The following PKD1L1 variants were observed in gnomAD, a reference collection of about 807,000 sequenced individuals.
PKD1L1 encodes polycystin 1 like 1, transient receptor potential channel interacting.
A neutral mutation model predicts 323.4 loss-of-function variants in PKD1L1; 236 were observed. The ratio of observed to expected loss-of-function variants is 0.73; its 90% confidence interval spans 0.66 to 0.81. The LOEUF (loss-of-function observed/expected upper bound fraction) is 0.81, where lower values mean the gene tolerates loss of function less well. PKD1L1 is among the 40% of genes least tolerant of loss of function. The probability of loss-of-function intolerance (pLI) is 0.00; values close to 1 mark genes in which losing one functional copy is unlikely to be tolerated. For missense variants in PKD1L1, 3,320 were observed against 3,508.0 expected, an observed-to-expected ratio of 0.95 and a Z score of 1.35; for synonymous variants, 1,344 against 1,335.0, an observed-to-expected ratio of 1.01 and a Z score of -0.15.
chr7:47,957,366 C>T, the PKD1L1 span: 114,244 of 152,186 alleles, frequency 0.75, 43,057 homozygotes, highest in East Asian at 0.88. Context: ...GCATCTAAAT[C>T]GGAAAGGAGG....
chr7:47,784,051 A>T (rs552485220), intron 56 of PKD1L1, among the ~76,000 whole-genome samples: 2 of 152,350 alleles, frequency 1.3e-5, no homozygotes, highest in East Asian at 3.9e-4. Flanking sequence ...TAGTGCCTCG[A>T]GTGCCATTCT....
At chr7:47,806,827 G>A (rs372101226) in intron 52 of PKD1L1, among the ~76,000 whole-genome samples, 3 of 152,222 alleles carry the variant, frequency 2.0e-5, no homozygotes, top group Non-Finnish European at 4.4e-5. Context: ...ATGGAAGAGC[G>A]TGGGCTCTGG....
chr7:47,885,062 C>T (rs1343517524), intron 18 of PKD1L1, among the ~76,000 whole-genome samples: 1 of 152,162 alleles, frequency 6.6e-6, no homozygotes, highest in East Asian at 1.9e-4. Context: ...CACAAGAATG[C>T]CCTGCTGCAA....
chr7:47,943,433 C>G lies in PKD1L1; in HGVS notation c.123G>C (p.Leu41=). 1 of 1,613,616 alleles carries G rather than the reference C, an allele frequency of 6.2e-7. No homozygotes were observed. Among genetic ancestry groups the G allele is most frequent in the Non-Finnish European group, 8.5e-7 (1 of 1,179,708 alleles). ...CACCTCCAGGAGGGCTACAGCTGCA[C>G]AGATGAAGACCCCAGCTCTTGTCAG... ...VSTDKSWGLH[L]CSCSPPGGGL... The change falls in exon 2 of 57, where the codon CTG becomes CTC. Residue 41 remains leucine, a synonymous_variant. Coordinates refer to ENST00000289672, the MANE Select transcript of PKD1L1 (RefSeq NM_138295.5).
intron 22 of PKD1L1, 78 bp from the exon 23 acceptor site, chr7:47,876,295 C>G: frequency 6.8e-7 from 1 of 1,478,540 alleles, no homozygotes; most frequent in Non-Finnish European, 9.3e-7. Flanking sequence ...ACACACACAG[C>G]TGAGCCTTCA....
At chr7:47,921,339 G>A (rs749528271) in intron 7 of PKD1L1, among the ~76,000 whole-genome samples, 2 of 150,766 alleles carry the variant, frequency 1.3e-5, no homozygotes, top group Non-Finnish European at 2.9e-5. Flanking sequence ...ACTGCAATGC[G>A]ATACCACTTT....
chr7:47,953,425 C>T (rs1396498995), upstream of PKD1L1, among the ~76,000 whole-genome samples: 1 of 152,142 alleles, frequency 6.6e-6, no homozygotes, highest in Non-Finnish European at 1.5e-5. Context: ...GAATAGAATC[C>T]TCTTAGGAAA....
chr7:47,793,099 G>C (rs532126151), intron 55 of PKD1L1, among the ~76,000 whole-genome samples: 2 of 143,694 alleles, frequency 1.4e-5, no homozygotes. Context: ...TGCTGCTATG[G>C]GAAAATAAGG....
In PKD1L1 at chr7:47,931,965, C is replaced by A; in HGVS notation, c.490G>T (p.Ala164Ser). Residue 164 changes from alanine (A) to serine (S), a missense_variant, in exon 5 of 57, where the codon GCA (alanine) becomes TCA (serine). Physicochemically the swap from Ala to Ser is moderately conservative, Grantham distance 99. Transcript: ENST00000289672. ...AGAAGAGCAGAGAATGTGCTGTCTG[C>A]GGTCCCAGTAGCACACAGCCGCCTG... ...HHRRLCATGT[A>S]DSTFSALLQL... The A allele has an allele frequency of 6.2e-7, 1 of 1,613,634 alleles. No homozygotes were observed. The highest frequency in any genetic ancestry group is 8.5e-7 in the Non-Finnish European group (1 of 1,179,712).
At chr7:47,880,066 G>A (rs1004057529) in intron 21 of PKD1L1, among the ~76,000 whole-genome samples, 8 of 150,934 alleles carry the variant, frequency 5.3e-5, no homozygotes, top group Non-Finnish European at 7.4e-5. Context: ...GCATGGAAAC[G>A]CAAGAAGGAA....
intron 31 of PKD1L1, among the ~76,000 whole-genome samples, chr7:47,850,206 A>G (rs1289196590): frequency 2.0e-5 from 3 of 152,368 alleles, no homozygotes; most frequent in Admixed American, 1.3e-4. Flanking sequence ...ACAATTACCT[A>G]TAAGGACTAG....
intron 54 of PKD1L1, among the ~76,000 whole-genome samples, chr7:47,796,932 G>A (rs369525872): frequency 1.1e-4 from 17 of 151,446 alleles, no homozygotes; most frequent in South Asian, 4.2e-4. Flanking sequence ...TCCGGGAGGC[G>A]GAGCTTGCAG....
intron 56 of PKD1L1, among the ~76,000 whole-genome samples, chr7:47,781,409 G>GTTTTTTTTTTTTTTTTTTTTTTT (rs60759497): frequency 1.4e-5 from 1 of 71,776 alleles, no homozygotes; most frequent in African/African-American, 5.0e-5. Context: ...GTTTTGTTTT[G>GTTTTTTTTTTTTTTTTTTTTTTT]TTTTTTTTTT....
Position 47,904,505 on chromosome 7 carries a change from C to G in PKD1L1, c.1804G>C (p.Ala602Pro). The G allele has an allele frequency of 6.2e-7, 1 of 1,614,162 alleles. No homozygotes were observed. Among genetic ancestry groups the G allele is most frequent in the Non-Finnish European group, 8.5e-7 (1 of 1,180,018 alleles). Residue 602 changes from alanine to proline, a missense_variant, in exon 12 of 57, where the codon GCT becomes CCT. Transcript: ENST00000289672. ...VANRLTSPSS[A>P]LVNASVAFEC... ...AAGGCCACACTGGCATTTACCAGAG[C>G]TGAGGAGGGGGACGTGAGCCGATTG...
chr7:47,910,341 T>TA (rs999581798), intron 8 of PKD1L1, among the ~76,000 whole-genome samples: 5 of 151,574 alleles, frequency 3.3e-5, no homozygotes, highest in Non-Finnish European at 7.4e-5. Context: ...CTTTCTTTTT[T>TA]TTTTTTTTTT....
At chr7:47,846,727 G>A (rs1460371461) in intron 32 of PKD1L1, 152 bp downstream of exon 32, 1 of 690,530 alleles carries the variant, frequency 1.4e-6, no homozygotes, top group African/African-American at 1.8e-5. Flanking sequence ...GGCTATGAGA[G>A]AACTGACACA....
At chr7:47,947,943 G>A (rs371177247) in intron 1 of PKD1L1, among the ~76,000 whole-genome samples, 259 of 152,222 alleles carry the variant, frequency 1.7e-3, no homozygotes, top group African/African-American at 6.1e-3. Flanking sequence ...ACTCGAGCCT[G>A]GGCAACAGAG....
intron 4 of PKD1L1, among the ~76,000 whole-genome samples, chr7:47,933,325 C>T (rs183664349): frequency 3.3e-5 from 5 of 152,310 alleles, no homozygotes. Context: ...TCCTGAGGAA[C>T]AACTTCTGTA....
intron 26 of PKD1L1, among the ~76,000 whole-genome samples, chr7:47,860,961 C>T (rs545969574): frequency 2.0e-5 from 3 of 152,230 alleles, no homozygotes; most frequent in South Asian, 2.1e-4. Flanking sequence ...GTGAGTGCAG[C>T]GAGGTGTGCA....
Sources: gnomAD v4.1 joint callset for allele counts (sites outside exome capture counted in the v4.1 genomes callset) on GRCh38, gnomAD v4.1.1 for gene constraint, MANE v1.5 for transcripts, NCBI Gene and HGNC (gene_info 2026-07-23, HGNC 2026-07-21) for gene names.